Variants in PARD3 observed in about 807,000 individuals in gnomAD.
PARD3 encodes partitioning defective 3 homolog.
In PARD3, 75 loss-of-function variants were observed where a neutral mutation model predicts 155.4. The ratio of observed to expected loss-of-function variants is 0.48; its 90% CI spans 0.40 to 0.58. PARD3 has a LOEUF of 0.58. Among genes scored for constraint, PARD3 ranks in the 20% least tolerant of loss-of-function variants. The pLI, the probability that PARD3 is intolerant of heterozygous loss-of-function variation, is 0.00. For missense variants in PARD3, 1,642 were observed against 1,721.7 expected, an observed-to-expected ratio of 0.95 and a Z score of 0.82; for synonymous variants, 576 against 610.5, an observed-to-expected ratio of 0.94 and a Z score of 0.83.
intron 16 of PARD3, 44 bp from the exon 17 acceptor site, chr10:34,337,470 A>T (rs1388645162): frequency 7.4e-7 from 1 of 1,354,032 alleles, no homozygotes; most frequent in African/African-American, 1.5e-5. Flanking sequence ...TACTAAAAAT[A>T]GCACGCATCC....
At chr10:34,285,338 G>A (rs1956334102) in intron 20 of PARD3, among the ~76,000 whole-genome samples, 2 of 152,148 alleles carry the variant, frequency 1.3e-5, no homozygotes, top group African/African-American at 4.8e-5. Flanking sequence ...GGCTTTGGGA[G>A]GCTGAGGCAG....
intron 22 of PARD3, among the ~76,000 whole-genome samples, chr10:34,238,558 C>T (rs1369225834): frequency 2.0e-5 from 3 of 151,958 alleles, no homozygotes; most frequent in Non-Finnish European, 2.9e-5. Flanking sequence ...AGCCAACAAT[C>T]GGTTTTGACT....
chr10:34,448,207 A>G (rs1267942874), intron 5 of PARD3, among the ~76,000 whole-genome samples: 1 of 152,074 alleles, frequency 6.6e-6, no homozygotes, highest in Non-Finnish European at 1.5e-5. Flanking sequence ...GCCTTTAATA[A>G]AAAAGGACAT....
At chr10:34,345,700 G>A (rs775354284) in intron 15 of PARD3, 9 of 985,228 alleles carry the variant, frequency 9.1e-6, no homozygotes, top group South Asian at 4.7e-5. Flanking sequence ...GTTCAGAAAC[G>A]GTGTGATTTG....
intron 22 of PARD3, among the ~76,000 whole-genome samples, chr10:34,268,437 C>T (rs1403209087): frequency 7.4e-6 from 1 of 134,668 alleles, no homozygotes; most frequent in African/African-American, 3.1e-5. Context: ...GGGTATATAC[C>T]CAAAGGACTA....
intron 3 of PARD3, among the ~76,000 whole-genome samples, chr10:34,485,647 T>C (rs1461568336): frequency 6.6e-6 from 1 of 152,134 alleles, no homozygotes; most frequent in Non-Finnish European, 1.5e-5. Context: ...TGGGTTAATA[T>C]AAGGGGTTGT....
chr10:34,268,599 T>TA (rs1955454855), intron 22 of PARD3, among the ~76,000 whole-genome samples: 1 of 151,936 alleles, frequency 6.6e-6, no homozygotes, highest in Admixed American at 6.6e-5. Context: ...TATGCAGCCA[T>TA]AAAAAAGGAT....
At chr10:34,558,645 T>A (rs1486196260) in intron 2 of PARD3, among the ~76,000 whole-genome samples, 1 of 152,146 alleles carries the variant, frequency 6.6e-6, no homozygotes, top group Admixed American at 6.6e-5. Context: ...AAATGCACAC[T>A]GCCGGCCTGG....
chr10:34,153,151 G>C (rs986594831), intron 22 of PARD3, among the ~76,000 whole-genome samples: 2 of 152,182 alleles, frequency 1.3e-5, no homozygotes, highest in Non-Finnish European at 2.9e-5. Context: ...CCTGGCTGAA[G>C]TACACTGAGT....
chr10:34,214,836 A>C (rs1460290910), intron 22 of PARD3, among the ~76,000 whole-genome samples: 2 of 152,196 alleles, frequency 1.3e-5, no homozygotes, highest in African/African-American at 4.8e-5. Flanking sequence ...CAGTAAAGAA[A>C]GACTATGAGA....
chr10:34,588,317 G>A (rs2088299058), intron 2 of PARD3, among the ~76,000 whole-genome samples: 4 of 152,136 alleles, frequency 2.6e-5, no homozygotes, highest in Admixed American at 2.6e-4. Flanking sequence ...AACTGAGGGC[G>A]GGCCTCTGAC....
At chr10:34,386,033 C>G (rs1238370080) in intron 7 of PARD3, among the ~76,000 whole-genome samples, 1 of 152,162 alleles carries the variant, frequency 6.6e-6, no homozygotes, top group African/African-American at 2.4e-5. Flanking sequence ...AAATTAAACT[C>G]AGACAAAAGT....
intron 4 of PARD3, among the ~76,000 whole-genome samples, chr10:34,462,008 T>C (rs1225683558): frequency 2.0e-5 from 3 of 152,254 alleles, no homozygotes; most frequent in Non-Finnish European, 4.4e-5. Flanking sequence ...AATAACTCAG[T>C]GAGCCCAGCC....
chr10:34,571,463 T>C (rs1349532362), intron 2 of PARD3, among the ~76,000 whole-genome samples: 3 of 152,236 alleles, frequency 2.0e-5, no homozygotes, highest in African/African-American at 7.2e-5. Flanking sequence ...CATTGTTCTA[T>C]GTCTGTTACA....
chr10:34,174,934 G>A (rs550205711), intron 22 of PARD3, among the ~76,000 whole-genome samples: 5 of 151,864 alleles, frequency 3.3e-5, no homozygotes, highest in Non-Finnish European at 7.4e-5. Context: ...AATACAATTC[G>A]TTTCAAAATT....
At chr10:34,303,984 TG>T (rs1291538213) in intron 20 of PARD3, among the ~76,000 whole-genome samples, 1 of 150,934 alleles carries the variant, frequency 6.6e-6, no homozygotes, top group Non-Finnish European at 1.5e-5. Context: ...AAGGGGAAAA[TG>T]AGGGTGGGAA....
rs369639564 is a variant in PARD3 at position 34,475,897 on chromosome 10, T to C, written c.404-5634A>G. ...TCTCTGCCAGACACTCAGGTCTGAATAACCAGTTTTTCTGTCCGTATTTCA... is the reference window on the plus strand; with the variant it reads ...TCTCTGCCAGACACTCAGGTCTGAACAACCAGTTTTTCTGTCCGTATTTCA... On this transcript the variant is annotated intron_variant, in intron 3 of 24. Coordinates refer to ENST00000374788, the MANE Select transcript of PARD3 (RefSeq NM_001184785.2). Among the ~76,000 whole-genome samples the C allele has an allele frequency of 7.2e-5, 11 of 152,306 alleles. No homozygotes were observed. In the East Asian group the frequency reaches 1.5e-3, roughly 21 times the overall value.
At chr10:34,238,358 A>C (rs1953368951) in intron 22 of PARD3, among the ~76,000 whole-genome samples, 1 of 152,246 alleles carries the variant, frequency 6.6e-6, no homozygotes, top group South Asian at 2.1e-4. Flanking sequence ...ATTCAGGCTC[A>C]ACAAGGCTCT....
chr10:34,470,921 T>A (rs766627081), intron 3 of PARD3, among the ~76,000 whole-genome samples: 1 of 152,190 alleles, frequency 6.6e-6, no homozygotes, highest in African/African-American at 2.4e-5. Flanking sequence ...GGTGTGAATA[T>A]CCTAATTACC....
Sources: allele counts gnomAD v4.1 joint callset (sites outside exome capture counted in the v4.1 genomes callset), GRCh38; gene constraint gnomAD v4.1.1; transcripts MANE v1.5; gene names NCBI Gene and HGNC (gene_info 2026-07-23, HGNC 2026-07-21).